Variants in UNC5C observed in about 807,000 individuals in gnomAD.
The protein encoded by UNC5C is netrin receptor UNC5C.
UNC5C carries 47 observed loss-of-function variants against 99.8 expected under a neutral mutation model. The ratio of observed to expected loss-of-function variants is 0.47; its 90% CI spans 0.37 to 0.60. The LOEUF (loss-of-function observed/expected upper bound fraction) is 0.60. Among genes scored for constraint, UNC5C ranks in the 20% least tolerant of loss-of-function variants. The pLI, the probability that UNC5C is intolerant of heterozygous loss-of-function variation, is 0.00. For missense variants in UNC5C, 1,062 were observed against 1,165.9 expected, an observed-to-expected ratio of 0.91 and a Z score of 1.30; for synonymous variants, 487 against 452.2, an observed-to-expected ratio of 1.08 and a Z score of -0.98.
chr4:95,191,066 C>G (rs1737068010), intron 12 of UNC5C, among the ~76,000 whole-genome samples: 1 of 152,152 alleles, frequency 6.6e-6, no homozygotes, highest in Non-Finnish European at 1.5e-5. Context: ...TGGCCTCTAC[C>G]CAGAATGCTC....
chr4:95,413,243 G>T (rs1191610110), intron 1 of UNC5C, among the ~76,000 whole-genome samples: 1 of 152,096 alleles, frequency 6.6e-6, no homozygotes, highest in Non-Finnish European at 1.5e-5. Flanking sequence ...TTCTGCAGTG[G>T]CCTCTCCTCC....
At chr4:95,516,942 C>T (rs534101210) in intron 1 of UNC5C, among the ~76,000 whole-genome samples, 1 of 152,216 alleles carries the variant, frequency 6.6e-6, no homozygotes, top group South Asian at 2.1e-4. Context: ...CTGAAGTCCC[C>T]AGGATAGAGG....
intron 2 of UNC5C, among the ~76,000 whole-genome samples, chr4:95,326,666 G>C (rs978712419): frequency 6.6e-6 from 1 of 152,180 alleles, no homozygotes; most frequent in African/African-American, 2.4e-5. Flanking sequence ...GAAAGGCAAA[G>C]AGTAATGGTA....
Position 95,170,322 on chromosome 4 carries a change from C to G in UNC5C, c.2462G>C (p.Gly821Ala), listed in dbSNP as rs150900256. 24 of 1,613,970 alleles carry G rather than the reference C, an allele frequency of 1.5e-5. No homozygotes were observed. Among genetic ancestry groups the G allele is most frequent in the Non-Finnish European group, 1.9e-5 (23 of 1,179,888 alleles). Reference protein sequence around the residue: ...LNCTVSEEPTGIDLPLLDPAN... With the variant: ...LNCTVSEEPTAIDLPLLDPAN... ...AGGATCCAGCAGCGGCAAATCGATG[C>G]CAGTAGGTTCCTGTAGTTCAGGGAC... The change falls in exon 15 of 16, where the codon GGC becomes GCC. Residue 821 changes from glycine (G) to alanine (A), a missense_variant. Coordinates refer to ENST00000453304, the MANE Select transcript of UNC5C (RefSeq NM_003728.4).
chr4:95,190,426 A>G (rs1737031422), intron 12 of UNC5C, among the ~76,000 whole-genome samples: 1 of 152,212 alleles, frequency 6.6e-6, no homozygotes, highest in Non-Finnish European at 1.5e-5. Flanking sequence ...CCAACATGGC[A>G]CATGTATACA....
intron 1 of UNC5C, among the ~76,000 whole-genome samples, chr4:95,432,308 C>T (rs1746656231): frequency 6.6e-6 from 1 of 151,826 alleles, no homozygotes; most frequent in African/African-American, 2.4e-5. Flanking sequence ...GTTGCTAAGG[C>T]CAACACTCAT....
At chr4:95,502,349 G>A (rs79957447) in intron 1 of UNC5C, among the ~76,000 whole-genome samples, 6 of 152,044 alleles carry the variant, frequency 3.9e-5, no homozygotes, top group African/African-American at 9.6e-5. Flanking sequence ...GCTCTCTGCC[G>A]CCTTGAACTC....
intron 3 of UNC5C, among the ~76,000 whole-genome samples, chr4:95,280,792 A>G (rs1741029765): frequency 6.6e-6 from 1 of 152,168 alleles, no homozygotes; most frequent in African/African-American, 2.4e-5. Flanking sequence ...TCCAAAAAAC[A>G]TGTTGACCAA....
At chr4:95,255,199 C>T (rs1376863981) in intron 4 of UNC5C, among the ~76,000 whole-genome samples, 2 of 151,970 alleles carry the variant, frequency 1.3e-5, no homozygotes, top group South Asian at 2.1e-4. Flanking sequence ...AGGCTAGTTT[C>T]GAACTCCTGA....
intron 12 of UNC5C, among the ~76,000 whole-genome samples, chr4:95,190,732 C>T (rs908184810): frequency 3.9e-5 from 6 of 152,156 alleles, no homozygotes; most frequent in Non-Finnish European, 5.9e-5. Flanking sequence ...CGCGAACCAT[C>T]AGTCACCAGA....
intron 4 of UNC5C, among the ~76,000 whole-genome samples, chr4:95,277,565 T>C (rs1288631258): frequency 1.3e-5 from 2 of 152,228 alleles, no homozygotes; most frequent in Non-Finnish European, 2.9e-5. Flanking sequence ...TGCAATCTCT[T>C]CTGGGTCACA....
chr4:95,401,971 A>T (rs1047432919), intron 1 of UNC5C, among the ~76,000 whole-genome samples: 2 of 152,212 alleles, frequency 1.3e-5, no homozygotes, highest in Non-Finnish European at 2.9e-5. Context: ...GTTCTTGAAG[A>T]TGTGGACAGT....
chr4:95,319,773 A>C (rs1347257124), intron 2 of UNC5C, among the ~76,000 whole-genome samples: 9 of 152,108 alleles, frequency 5.9e-5, no homozygotes. Context: ...TTAACTAAAA[A>C]GTTCTCTGTT....
intron 1 of UNC5C, among the ~76,000 whole-genome samples, chr4:95,503,875 T>A (rs763394001): frequency 6.6e-6 from 1 of 152,100 alleles, no homozygotes; most frequent in Non-Finnish European, 1.5e-5. Flanking sequence ...CAGTGAAAAT[T>A]TTTCACTTGT....
At chr4:95,227,159 A>G (rs940450041) in intron 7 of UNC5C, among the ~76,000 whole-genome samples, 1 of 145,424 alleles carries the variant, frequency 6.9e-6, no homozygotes, top group African/African-American at 2.6e-5. Context: ...TTTTTTAAAT[A>G]TTTATTTCGA....
At chr4:95,195,480 G>A (rs971793313) in intron 12 of UNC5C, among the ~76,000 whole-genome samples, 1 of 152,180 alleles carries the variant, frequency 6.6e-6, no homozygotes, top group African/African-American at 2.4e-5. Flanking sequence ...GAGGTTGTTT[G>A]TGGGAACTAT....
chr4:95,305,874 T>A (rs1742043602), intron 2 of UNC5C, among the ~76,000 whole-genome samples: 2 of 152,196 alleles, frequency 1.3e-5, no homozygotes, highest in African/African-American at 4.8e-5. Context: ...TGTGAGGTCA[T>A]ACATGAATAT....
intron 4 of UNC5C, among the ~76,000 whole-genome samples, chr4:95,266,562 T>G (rs1461886322): frequency 6.6e-6 from 1 of 152,190 alleles, no homozygotes; most frequent in African/African-American, 2.4e-5. Flanking sequence ...GCTCCTAGAC[T>G]CATGGTTTTA....
At chr4:95,268,708 A>T (rs1256238026) in intron 4 of UNC5C, among the ~76,000 whole-genome samples, 2 of 152,234 alleles carry the variant, frequency 1.3e-5, no homozygotes, top group Non-Finnish European at 2.9e-5. Flanking sequence ...TCTAATTAAC[A>T]GAGGGAAACT....
Sources: gnomAD v4.1 joint callset for allele counts (sites outside exome capture counted in the v4.1 genomes callset) on GRCh38, gnomAD v4.1.1 for gene constraint, MANE v1.5 for transcripts, NCBI Gene and HGNC (gene_info 2026-07-23, HGNC 2026-07-21) for gene names.